The following HSPH1 variants were observed in gnomAD, a reference collection of about 807,000 sequenced individuals.
HSPH1 encodes heat shock protein family H (Hsp110) member 1, also known as heat shock protein 105 kDa.
In HSPH1, 40 loss-of-function variants were observed where a neutral mutation model predicts 100.0. The observed-to-expected ratio is 0.40, with a 90% CI of 0.31 to 0.52. HSPH1 has a LOEUF of 0.52. Among genes scored for constraint, HSPH1 ranks in the 20% least tolerant of loss-of-function variants. The pLI, the probability that HSPH1 is intolerant of heterozygous loss-of-function variation, is 0.54. For missense variants in HSPH1, 876 were observed against 1,015.1 expected, an observed-to-expected ratio of 0.86 and a Z score of 1.86; for synonymous variants, 403 against 344.0, an observed-to-expected ratio of 1.17 and a Z score of -1.90.
intron 2 of HSPH1, among the ~76,000 whole-genome samples, chr13:31,158,347 G>A (rs147763585): frequency 9.9e-4 from 150 of 152,136 alleles, no homozygotes; most frequent in African/African-American, 3.4e-3. Context: ...TCAGGAGTTC[G>A]AGATCAGTCT....
intron 13 of HSPH1, 115 bp downstream of exon 13, chr13:31,141,007 T>C (rs1184747621): frequency 1.6e-6 from 1 of 644,028 alleles, no homozygotes; most frequent in Non-Finnish European, 2.4e-6. Flanking sequence ...TCCCTAAAAC[T>C]ATATAAAACT....
intron 5 of HSPH1, among the ~76,000 whole-genome samples, 196 bp downstream of exon 5, chr13:31,152,656 T>C (rs73171037): frequency 4.6e-5 from 7 of 152,306 alleles, no homozygotes; most frequent in Non-Finnish European, 1.0e-4. Flanking sequence ...AATTCTCTAA[T>C]GAAAGCAGAT....
At chr13:31,148,266 A>G in intron 9 of HSPH1, 108 bp downstream of exon 9, 1 of 1,001,320 alleles carries the variant, frequency 1.0e-6, no homozygotes, top group East Asian at 2.4e-5. Context: ...TTCCAGGTAA[A>G]TTAATGACTA....
chr13:31,158,607 T>C (rs1956787841), intron 2 of HSPH1, among the ~76,000 whole-genome samples, 199 bp downstream of exon 2: 1 of 139,134 alleles, frequency 7.2e-6, no homozygotes, highest in Admixed American at 7.0e-5. Context: ...TTAAAGTCGA[T>C]CTTAATAAAA....
intron 8 of HSPH1, among the ~76,000 whole-genome samples, 158 bp downstream of exon 8, chr13:31,149,796 G>C (rs897590408): frequency 7.2e-5 from 11 of 152,108 alleles, no homozygotes; most frequent in African/African-American, 2.7e-4. Context: ...GGATCTTTTA[G>C]ATTTGAGTAG....
chr13:31,161,529 G>C lies in HSPH1; in HGVS notation c.54C>G (p.Ala18=), dbSNP rs763122232. 6 of 1,613,784 alleles carry C rather than the reference G, an allele frequency of 3.7e-6. No homozygotes were observed. In the African/African-American group the frequency reaches 5.3e-5, roughly 14 times the overall value. The change falls in exon 1 of 18, where the codon GCC becomes GCG. Residue 18 remains alanine, a synonymous_variant. Coordinates refer to ENST00000320027, the MANE Select transcript of HSPH1 (RefSeq NM_006644.4). ...VGSQSCYIAV[A]RAGGIETIAN... is the part of the protein sequence containing the mutation. ...CGATGGTCTCGATGCCCCCGGCCCG[G>C]GCTACCGCGATGTAGCAGCTCTGCG...
At chr13:31,160,742 T>C (rs1367561938) in intron 1 of HSPH1, among the ~76,000 whole-genome samples, 1 of 152,172 alleles carries the variant, frequency 6.6e-6, no homozygotes, top group African/African-American at 2.4e-5. Context: ...GCAAAATTAA[T>C]TTTAAAAATA....
At chr13:31,154,452 G>A (rs764800827) in intron 4 of HSPH1, 181 bp downstream of exon 4, 26 of 691,044 alleles carry the variant, frequency 3.8e-5, no homozygotes, top group South Asian at 2.7e-4. Flanking sequence ...AACCTTTGCC[G>A]CTTCTGGCTA....
Position 31,145,897 on chromosome 13 carries a change from C to T in HSPH1, c.1379-129G>A, listed in dbSNP as rs1158297710. On this transcript the variant is annotated intron_variant, in intron 10 of 17. Coordinates refer to ENST00000320027, the MANE Select transcript of HSPH1 (RefSeq NM_006644.4). ...CACTTTGGGAGGCCGTGGTGGGTCA[C>T]TTGAGCCCAAGAGTTTGAGACCAGC... The T allele has an allele frequency of 9.6e-6, 7 of 725,606 alleles. No individual in the cohort carries two copies. The Admixed American group carries it at 9.8e-5, about 10-fold the overall frequency. 44.9% of individuals were successfully genotyped at this position (725,606 alleles called of 1,614,324 possible).
At position 31,152,949 on chromosome 13, in the gene HSPH1, G is replaced by T. The variant is rs766255880; in HGVS notation, c.432C>A (p.Val144=). 1 of 1,607,584 alleles carries T rather than the reference G, an allele frequency of 6.2e-7. No individual in the cohort carries two copies. Among genetic ancestry groups the T allele is most frequent in the African/African-American group, 1.3e-5 (1 of 74,680 alleles). The change falls in exon 5 of 18, where the codon GTC becomes GTA. Residue 144 remains valine (V), a splice_region_variant and synonymous_variant. Coordinates refer to ENST00000320027, the MANE Select transcript of HSPH1 (RefSeq NM_006644.4). ...TCTCAGCATCTGTAAAGAAGGAGGGGACCTACAAACAAACAAAAAATTTTG... is the reference window on the plus strand; with the variant it reads ...TCTCAGCATCTGTAAAGAAGGAGGGTACCTACAAACAAACAAAAAATTTTG... ...KKPVTDCVIS[V]PSFFTDAERR...
chr13:31,145,475 T>C lies in HSPH1; in HGVS notation c.1584+88A>G, dbSNP rs1358809235. ...TCAAAATTATTCATGAAGGAAAACATTCATTTTAACCCTTCCCTACCCAAT... is the reference window on the plus strand; with the variant it reads ...TCAAAATTATTCATGAAGGAAAACACTCATTTTAACCCTTCCCTACCCAAT... On this transcript the variant is annotated intron_variant, in intron 11 of 17. Coordinates refer to ENST00000320027, the MANE Select transcript of HSPH1 (RefSeq NM_006644.4). 11 of 931,134 alleles carry C rather than the reference T, an allele frequency of 1.2e-5. No individual in the cohort carries two copies. The Admixed American group carries it at 1.2e-4, about 10-fold the overall frequency. The allele number at this position is 931,134 out of a possible 1,614,324, so 57.7% of individuals were successfully genotyped here.
chr13:31,151,259 T>A (rs1956477860), intron 6 of HSPH1, 68 bp from the exon 7 acceptor site: 3 of 1,268,964 alleles, frequency 2.4e-6, no homozygotes, highest in Non-Finnish European at 3.3e-6. Context: ...ATCTTAAATA[T>A]TACTACTCAA....
rs375916436 is a variant in HSPH1, at chr13:31,158,823, C to G, written c.148G>C (p.Val50Leu). The G allele has an allele frequency of 2.0e-5, 32 of 1,605,776 alleles. No homozygotes were observed. The African/African-American group carries it at 3.6e-4, about 18-fold the overall frequency. Residue 50 changes from valine to leucine, a missense_variant, in exon 2 of 18, where the codon GTT (valine) becomes CTT (leucine). Physicochemically the swap from Val to Leu is conservative, Grantham distance 32. Coordinates refer to ENST00000320027, the MANE Select transcript of HSPH1 (RefSeq NM_006644.4). ...GAACATACCTGATTTTTGGCTGCAACTCCGATTGTTCTATTTTTTGATCCA... is the reference window on the plus strand; with the variant it reads ...GAACATACCTGATTTTTGGCTGCAAGTCCGATTGTTCTATTTTTTGATCCA... The part of the protein sequence containing the change: ...SFGSKNRTIG[V>L]AAKNQQITHA...
chr13:31,150,827 G>A, intron 7 of HSPH1, 120 bp downstream of exon 7: 1 of 970,204 alleles, frequency 1.0e-6, no homozygotes. Context: ...TCCAGCCACA[G>A]GCATGTAACA....
At chr13:31,162,314 A>T, upstream of HSPH1, 4 of 588,682 alleles carry the variant, frequency 6.8e-6, no homozygotes, top group South Asian at 6.0e-5. Flanking sequence ...GAGACCCCAG[A>T]CACCGGGATG....
rs148872450 is a variant in HSPH1, at chr13:31,138,820, C to A, written c.2169G>T (p.Leu723=). 1 of 1,611,816 alleles carries A rather than the reference C, an allele frequency of 6.2e-7. No individual in the cohort carries two copies. Among genetic ancestry groups the A allele is most frequent in the African/African-American group, 1.3e-5 (1 of 74,874 alleles). Residue 723 remains leucine (L), a synonymous_variant, in exon 16 of 18, where the codon CTG becomes CTT. Coordinates refer to ENST00000320027, the MANE Select transcript of HSPH1 (RefSeq NM_006644.4). ...PKMFEELGQR[L]QHYAKIAADF... is the part of the protein sequence containing the mutation. The stretch of plus-strand genomic sequence containing the variant: ...CAGCTGCTATCTTGGCATAATGCTG[C>A]AGCCTCTGTCCTAGTTCTTCAAACA...
In HSPH1 at chr13:31,148,141, G is replaced by A. The variant is rs140483347; in HGVS notation, c.1245-49C>T. 1,003 of 1,542,692 alleles carry A rather than the reference G, an allele frequency of 6.5e-4. 7 individuals carry two copies. Among genetic ancestry groups the A allele is most frequent in the Middle Eastern group, 2.7e-3 (16 of 5,874 alleles). ...TCAGCAGATGAAGAACTTAAAATATGCTTACTGTGCTACACAAACAGAAAA... is the reference window on the plus strand; with the variant it reads ...TCAGCAGATGAAGAACTTAAAATATACTTACTGTGCTACACAAACAGAAAA... On this transcript the variant is annotated intron_variant, in intron 9 of 17. Coordinates refer to ENST00000320027, the MANE Select transcript of HSPH1 (RefSeq NM_006644.4).
At chr13:31,140,923 G>A (rs1026532130) in intron 13 of HSPH1, 199 bp downstream of exon 13, 3 of 392,312 alleles carry the variant, frequency 7.6e-6, no homozygotes, top group South Asian at 8.6e-5. Context: ...AGCCAATCAT[G>A]TTATATCAAG....
chr13:31,155,758 T>C (rs1956663825), intron 2 of HSPH1, 104 bp from the exon 3 acceptor site: 1 of 912,024 alleles, frequency 1.1e-6, no homozygotes, highest in Admixed American at 2.5e-5. Flanking sequence ...ACCAATCCTA[T>C]GAGTGCACAT....
Sources: allele counts gnomAD v4.1 joint callset (sites outside exome capture counted in the v4.1 genomes callset), GRCh38; gene constraint gnomAD v4.1.1; transcripts MANE v1.5; gene names NCBI Gene and HGNC (gene_info 2026-07-23, HGNC 2026-07-21).